Variants in GOLGA1 observed in about 807,000 individuals in gnomAD.
GOLGA1 encodes the protein golgin A1.
A neutral mutation model predicts 119.7 loss-of-function variants in GOLGA1; 63 were observed. The ratio of observed to expected loss-of-function variants is 0.53; its 90% CI spans 0.43 to 0.65. The LOEUF is 0.65. Ranked by LOEUF, GOLGA1 falls within the 30% of genes least tolerant of loss-of-function variation. The pLI is 0.00. For missense variants in GOLGA1, 798 were observed against 912.8 expected (o/e 0.87, Z 1.62); for synonymous variants, 318 against 333.4 (o/e 0.95, Z 0.50).
intron 10 of GOLGA1, 94 bp downstream of exon 10, chr9:124,921,035 G>A (rs542777951): frequency 2.4e-5 from 19 of 779,256 alleles, no homozygotes; most frequent in Non-Finnish European, 4.1e-5. Flanking sequence ...CATGAGAAAT[G>A]TATGTTCAGT....
At chr9:124,942,760 GACA>G (rs1177764402), upstream of GOLGA1, 3 of 152,126 alleles carry the variant, frequency 2.0e-5, no homozygotes, top group Non-Finnish European at 4.4e-5. Flanking sequence ...TTAATACACT[GACA>G]ACAAAAATCA....
intron 12 of GOLGA1, among the ~76,000 whole-genome samples, chr9:124,907,153 A>G (rs758773326): frequency 2.0e-5 from 3 of 152,220 alleles, no homozygotes; most frequent in Non-Finnish European, 2.9e-5. Flanking sequence ...ACACAAGAGC[A>G]GACAATCAGA....
In GOLGA1 at chr9:124,881,295, G is replaced by T; in HGVS notation, c.2137-38C>A. 1 of 1,214,884 alleles carries T rather than the reference G, an allele frequency of 8.2e-7. No homozygotes were observed. Among genetic ancestry groups the T allele is most frequent in the Non-Finnish European group, 1.2e-6 (1 of 814,568 alleles). The allele number at this position is 1,214,884 out of a possible 1,614,324, so 75.3% of individuals were successfully genotyped here. On this transcript the variant is annotated intron_variant, in intron 21 of 22. Transcript: ENST00000373555. This position sits in a 1 kb window ranked among gnomAD's most constrained non-coding sequence, Gnocchi z 4.9. ...AAGTTTTGCTGCCATAGGCCTTGGT[G>T]AAGGTGAGGCGGGGTGGGGTCGGGG...
chr9:124,900,554 G>C lies in GOLGA1; in HGVS notation c.1066-7C>G. 1 of 1,434,570 alleles carries C rather than the reference G, an allele frequency of 7.0e-7. No individual in the cohort carries two copies. Among genetic ancestry groups the C allele is most frequent in the Non-Finnish European group, 9.8e-7 (1 of 1,020,274 alleles). The allele number at this position is 1,434,570 out of a possible 1,614,324, so 88.9% of individuals were successfully genotyped here. On this transcript the variant is annotated splice_polypyrimidine_tract_variant and splice_region_variant and intron_variant, in intron 12 of 22. Coordinates refer to ENST00000373555, the MANE Select transcript of GOLGA1 (RefSeq NM_002077.4). ...TCTGCTCCAGTTCTCTCACCTGAGA[G>C]GGAAGCAGAAGCATTCTTTCTGTTC...
intron 3 of GOLGA1, among the ~76,000 whole-genome samples, chr9:124,932,395 G>A (rs7047185): frequency 0.017 from 2,547 of 152,254 alleles, 72 homozygotes; most frequent in African/African-American, 0.059. Flanking sequence ...TGTACTGAGA[G>A]TCAGGACAGT....
chr9:124,885,133 C>T (rs562157256), intron 19 of GOLGA1, among the ~76,000 whole-genome samples: 95 of 152,342 alleles, frequency 6.2e-4, no homozygotes, highest in African/African-American at 2.2e-3. Context: ...TCGAGACCAT[C>T]CTGGCCAACA....
At chr9:124,890,189 G>C (rs1829823094) in intron 16 of GOLGA1, among the ~76,000 whole-genome samples, 200 bp downstream of exon 16, 1 of 152,152 alleles carries the variant, frequency 6.6e-6, no homozygotes, top group South Asian at 2.1e-4. Flanking sequence ...ATCCTATGGG[G>C]TAAGAGTTTC....
In GOLGA1 at chr9:124,891,652, T is replaced by C. The variant is rs189259462; in HGVS notation, c.1408-1174A>G. Among the ~76,000 whole-genome samples the C allele has an allele frequency of 3.2e-3, 494 of 152,192 alleles. 9 individuals carry two copies. The highest frequency in any genetic ancestry group is 2.8e-4 in the Non-Finnish European group (19 of 68,014). ...AGGGTCCCATTCTTTTGTTTTTTTTTTTCTTTTTTGAGATGGAGCTTCTCT... is the reference window on the plus strand; with the variant it reads ...AGGGTCCCATTCTTTTGTTTTTTTTCTTCTTTTTTGAGATGGAGCTTCTCT... On this transcript the variant is annotated intron_variant, in intron 15 of 22. Coordinates refer to ENST00000373555, the MANE Select transcript of GOLGA1 (RefSeq NM_002077.4).
At chr9:124,915,853 T>C (rs1830431530) in intron 10 of GOLGA1, among the ~76,000 whole-genome samples, 1 of 151,822 alleles carries the variant, frequency 6.6e-6, no homozygotes, top group Non-Finnish European at 1.5e-5. Context: ...TGTGTAATCC[T>C]AGCACTTTGG....
chr9:124,912,380 G>T (rs1830358022), intron 10 of GOLGA1, among the ~76,000 whole-genome samples: 2 of 152,068 alleles, frequency 1.3e-5, no homozygotes, highest in South Asian at 4.2e-4. Flanking sequence ...AAGCTGAGGG[G>T]CTGGATAAAG....
chr9:124,913,299 T>A (rs16927740), intron 10 of GOLGA1, among the ~76,000 whole-genome samples: 2,553 of 152,278 alleles, frequency 0.017, 74 homozygotes, highest in African/African-American at 0.059. Context: ...CTGCTCAATG[T>A]CAAAGCAGAG....
chr9:124,937,863 G>A (rs891511933), intron 3 of GOLGA1, among the ~76,000 whole-genome samples: 12 of 151,902 alleles, frequency 7.9e-5, no homozygotes, highest in Admixed American at 4.6e-4. Flanking sequence ...TGGGCGGATC[G>A]CCTGAGCTCA....
In GOLGA1 at chr9:124,929,309, C is replaced by T. The variant is rs371918532; in HGVS notation, c.227-19G>A. 1.9e-5 allele frequency: 28 copies of T among 1,491,164 alleles called. No individual in the cohort carries two copies. Among genetic ancestry groups the T allele is most frequent in the African/African-American group, 4.1e-5 (3 of 72,506 alleles). 92.4% of individuals were successfully genotyped at this position (1,491,164 alleles called of 1,614,324 possible). ...GCATAGTCTTGGGTGAGGAGGGTGA[C>T]GCACATACCAGAAATGGACAAACAT... On this transcript the variant is annotated intron_variant, in intron 4 of 22. Coordinates refer to ENST00000373555, the MANE Select transcript of GOLGA1 (RefSeq NM_002077.4).
Position 124,881,207 on chromosome 9 carries a change from C to G in GOLGA1, c.2187G>C (p.Glu729Asp), listed in dbSNP as rs1277647235. 6 of 1,600,954 alleles carry G rather than the reference C, an allele frequency of 3.7e-6. No homozygotes were observed. The highest frequency in any genetic ancestry group is 5.1e-6 in the Non-Finnish European group (6 of 1,168,000). The part of the protein sequence containing the change: ...AVSVLLNFSQ[E>D]EENMLKETLE... Reference sequence around the variant, plus strand: ...GAGTTTCCTTGAGCATGTTCTCCTCCTCTTGGGAAAAGTTCAGCAACACTG... The same window carrying G: ...GAGTTTCCTTGAGCATGTTCTCCTCGTCTTGGGAAAAGTTCAGCAACACTG... Residue 729 changes from glutamate (E) to aspartate (D), a missense_variant, in exon 22 of 23, where the codon GAG becomes GAC. Physicochemically the swap from Glu to Asp is conservative, Grantham distance 45. Coordinates refer to ENST00000373555, the MANE Select transcript of GOLGA1 (RefSeq NM_002077.4). This position sits in a 1 kb window ranked among gnomAD's most constrained non-coding sequence, Gnocchi z 4.9.
At chr9:124,912,555 T>G (rs1830361151) in intron 10 of GOLGA1, among the ~76,000 whole-genome samples, 1 of 152,152 alleles carries the variant, frequency 6.6e-6, no homozygotes, top group African/African-American at 2.4e-5. Flanking sequence ...TTATTTTTGG[T>G]TTTTTGAGAC....
At chr9:124,907,603 A>G (rs1431334190) in intron 12 of GOLGA1, among the ~76,000 whole-genome samples, 2 of 152,242 alleles carry the variant, frequency 1.3e-5, no homozygotes, top group Admixed American at 6.5e-5. Context: ...TACAAACCAA[A>G]TAAGAAAAGA....
chr9:124,933,413 A>ATTAT (rs373483012), intron 3 of GOLGA1, among the ~76,000 whole-genome samples: 7,589 of 151,434 alleles, frequency 0.05, 629 homozygotes, highest in African/African-American at 0.17. Context: ...TGGAGTCTGG[A>ATTAT]TTATTTATTT....
At chr9:124,918,572 T>C (rs1248301902) in intron 10 of GOLGA1, among the ~76,000 whole-genome samples, 23 of 152,114 alleles carry the variant, frequency 1.5e-4, no homozygotes, top group Admixed American at 1.2e-3. Context: ...AAGACCAGCC[T>C]GGCCAACATG....
intron 15 of GOLGA1, among the ~76,000 whole-genome samples, chr9:124,891,927 G>A (rs1353099781): frequency 6.6e-6 from 1 of 151,776 alleles, no homozygotes; most frequent in African/African-American, 2.4e-5. Flanking sequence ...TTACTGGTTT[G>A]AGCCACTGCG....
Sources: gnomAD v4.1 joint callset for allele counts (sites outside exome capture counted in the v4.1 genomes callset) on GRCh38, gnomAD v4.1.1 for gene constraint, Gnocchi (gnomAD v3.1) non-coding constraint, MANE v1.5 for transcripts, NCBI Gene and HGNC (gene_info 2026-07-23, HGNC 2026-07-21) for gene names.